PDE6B: variants seen among roughly 807,000 people sequenced by gnomAD.
PDE6B encodes rod cGMP-specific 3',5'-cyclic phosphodiesterase subunit beta.
Under a neutral mutation model 109.0 loss-of-function variants are expected in PDE6B, and 106 were observed. The ratio of observed to expected loss-of-function variants is 0.97; its 90% CI spans 0.83 to 1.14. The LOEUF is 1.14. PDE6B is among the 50% of genes most tolerant of loss of function. PDE6B has a pLI of 0.00. For missense variants in PDE6B, 1,193 were observed against 1,155.6 expected (o/e 1.03, Z -0.47); for synonymous variants, 490 against 471.3 (o/e 1.04, Z -0.51).
At chr4:655,538 G>A in intron 6 of PDE6B, 1 of 359,534 alleles carries the variant, frequency 2.8e-6, no homozygotes, top group African/African-American at 2.1e-5. Context: ...GAGAGGGAGG[G>A]GTTCCCAAGA....
intron 1 of PDE6B, among the ~76,000 whole-genome samples, chr4:632,283 T>G (rs1308022805): frequency 6.6e-6 from 1 of 151,406 alleles, no homozygotes; most frequent in Admixed American, 6.6e-5. Flanking sequence ...GGTCACGTTG[T>G]GTGGATTTGT....
chr4:656,088 G>C (rs1212824992), intron 7 of PDE6B, 82 bp downstream of exon 7: 2 of 1,062,806 alleles, frequency 1.9e-6, no homozygotes, highest in East Asian at 2.4e-5. Flanking sequence ...TCTCTGCCAC[G>C]TCCCGCCCTC....
At chr4:657,843 T>C (rs569815502) in intron 10 of PDE6B, among the ~76,000 whole-genome samples, 1 of 125,166 alleles carries the variant, frequency 8.0e-6, no homozygotes, top group African/African-American at 3.2e-5. Flanking sequence ...CGTCCAGGGG[T>C]CACCCAGGGG....
At position 665,677 on chromosome 4, in the gene PDE6B, C is replaced by T. The variant is rs1291902026; in HGVS notation, c.2268+348C>T. Among the ~76,000 whole-genome samples, 2 of 152,158 alleles carry T rather than the reference C, an allele frequency of 1.3e-5. No homozygotes were observed. Among genetic ancestry groups the T allele is most frequent in the Admixed American group, 6.5e-5 (1 of 15,288 alleles). ...CTGGGGAGGGTGCTGGGGCAGAGAA[C>T]GCATGGGGGGCGTCCCGGGCCCACA... On this transcript the variant is annotated intron_variant, in intron 19 of 21. Transcript: ENST00000496514. The surrounding 1 kb of genome is among the most constrained non-coding windows in gnomAD (Gnocchi z 4.0).
intron 20 of PDE6B, among the ~76,000 whole-genome samples, chr4:667,219 C>T (rs1385655995): frequency 2.0e-5 from 3 of 152,182 alleles, no homozygotes; most frequent in Non-Finnish European, 4.4e-5. Context: ...GGCCACACTC[C>T]CTGGTGATGG....
At chr4:653,764 C>G in intron 3 of PDE6B, 88 bp from the exon 4 acceptor site, 4 of 1,440,980 alleles carry the variant, frequency 2.8e-6, no homozygotes, top group South Asian at 2.3e-5. Context: ...GCACCTGTGT[C>G]AGGCTTGAGT....
chr4:656,142 C>A, intron 7 of PDE6B, 103 bp from the exon 8 acceptor site: 1 of 1,019,984 alleles, frequency 9.8e-7, no homozygotes, highest in Non-Finnish European at 1.6e-6. Context: ...AGCTGCCCTG[C>A]TTTACCTACT....
At position 663,235 on chromosome 4, in the gene PDE6B, C is replaced by A; in HGVS notation, c.1920+48C>A. On this transcript the variant is annotated intron_variant, in intron 15 of 21. Transcript: ENST00000496514. This position sits in a 1 kb window ranked among gnomAD's most constrained non-coding sequence, Gnocchi z 4.0. ...TCTGCTGTGGGCGCTGGGGACGCAG[C>A]GTCCGCAGGACGGCAGGGCCGTATC... 1 of 1,065,304 alleles carries A rather than the reference C, an allele frequency of 9.4e-7. No homozygotes were observed. The highest frequency in any genetic ancestry group is 1.2e-5 in the South Asian group (1 of 80,168). The allele number at this position is 1,065,304 out of a possible 1,614,324, so 66.0% of individuals were successfully genotyped here.
rs1176081407 is a variant in PDE6B, at chr4:654,896, C to G, written c.992+8C>G. 4 of 1,473,116 alleles carry G rather than the reference C, an allele frequency of 2.7e-6. No individual in the cohort carries two copies. The African/African-American group carries it at 5.5e-5, about 20-fold the overall frequency. 91.3% of individuals were successfully genotyped at this position (1,473,116 alleles called of 1,614,324 possible). A position where few individuals can be genotyped will look rare whatever the true frequency, so the allele number is the denominator to read the frequency against. On this transcript the variant is annotated splice_region_variant and intron_variant, in intron 6 of 21. Coordinates refer to ENST00000496514, the MANE Select transcript of PDE6B (RefSeq NM_000283.4). ...GGAGATCAAGGTCATTCCGTAAGTG[C>G]AGGATTTTACCAGAAGCGTCCCCGG...
At chr4:638,804 ATCT>A (rs1339652605) in intron 3 of PDE6B, among the ~76,000 whole-genome samples, 1 of 152,066 alleles carries the variant, frequency 6.6e-6, no homozygotes, top group Non-Finnish European at 1.5e-5. Flanking sequence ...CTTTCACAGG[ATCT>A]TCTTTCATTC....
rs1404224982 is a variant in PDE6B at position 664,094 on chromosome 4, C to T, written c.2022-20C>T. Reference sequence around the variant, plus strand: ...TCCACACTTGCTCCCACCTGCACCTCCCTTGTTCCCTGGGTTCAGGAAGAG... The same window carrying T: ...TCCACACTTGCTCCCACCTGCACCTTCCTTGTTCCCTGGGTTCAGGAAGAG... On this transcript the variant is annotated intron_variant, in intron 16 of 21. Coordinates refer to ENST00000496514, the MANE Select transcript of PDE6B (RefSeq NM_000283.4). 2.0e-6 allele frequency: 3 copies of T among 1,527,644 alleles called. No individual in the cohort carries two copies. The highest frequency in any genetic ancestry group is 1.7e-5 in the Admixed American group (1 of 59,938). The allele number at this position is 1,527,644 out of a possible 1,614,324, so 94.6% of individuals were successfully genotyped here. A position where few individuals can be genotyped will look rare whatever the true frequency, so the allele number is the denominator to read the frequency against.
rs2109273556 is a variant in PDE6B, at chr4:665,738, C to G, written c.2268+409C>G. 6.6e-6 allele frequency among the ~76,000 whole-genome samples: 1 copy of G among 152,308 alleles called. No homozygotes were observed. Among genetic ancestry groups the G allele is most frequent in the East Asian group, 1.9e-4 (1 of 5,162 alleles). ...ATGGACAATGCCAGGGTCCTCAGGT[C>G]AGCAGCGGGGTCTGGATACCTCCTG... On this transcript the variant is annotated intron_variant, in intron 19 of 21. Transcript: ENST00000496514. This position sits in a 1 kb window ranked among gnomAD's most constrained non-coding sequence, Gnocchi z 4.0.
At chr4:657,282 G>A in intron 9 of PDE6B, 69 bp from the exon 10 acceptor site, 1 of 1,584,238 alleles carries the variant, frequency 6.3e-7, no homozygotes, top group Admixed American at 1.7e-5. Flanking sequence ...CACGGGGCCT[G>A]GCACACAGGC....
intron 6 of PDE6B, 66 bp downstream of exon 6, chr4:654,954 C>A: frequency 1.0e-6 from 1 of 952,446 alleles, no homozygotes; most frequent in Non-Finnish European, 1.7e-6. Context: ...CCGGCTCAGC[C>A]CCCAGGGCCG....
Position 625,735 on chromosome 4 carries a change from G to A in PDE6B, c.109G>A (p.Glu37Lys), listed in dbSNP as rs376908835. Residue 37 changes from glutamate (E) to lysine (K), a missense_variant, in exon 1 of 22, where the codon GAG (glutamate) becomes AAG (lysine). By Grantham distance (56) the Glu-to-Lys change is moderately conservative. Transcript: ENST00000496514. This position sits in a 1 kb window ranked among gnomAD's most constrained non-coding sequence, Gnocchi z 5.0. ...CCCTGAGAATGTGGCCGCGGCCTGC[G>A]AGGACGGGTGCCCGCCGGACTGCGA... ...LSPENVAAAC[E>K]DGCPPDCDSL... 24 of 1,613,336 alleles carry A rather than the reference G, an allele frequency of 1.5e-5. 1 individual carries two copies. Among genetic ancestry groups the A allele is most frequent in the South Asian group, 1.2e-4 (11 of 91,080 alleles).
intron 3 of PDE6B, among the ~76,000 whole-genome samples, chr4:637,697 G>A (rs1172691055): frequency 1.3e-5 from 2 of 152,212 alleles, no homozygotes; most frequent in East Asian, 1.9e-4. Context: ...CCTCTCGTCC[G>A]GCACAGCGAG....
chr4:653,372 C>G (rs548481196), intron 3 of PDE6B: 1 of 1,093,768 alleles, frequency 9.1e-7, no homozygotes. Context: ...GCCTGTGCAG[C>G]GGGATGTCCT....
At chr4:661,108 T>C in intron 12 of PDE6B, 1 of 143,182 alleles carries the variant, frequency 7.0e-6, no homozygotes, top group African/African-American at 2.7e-5. Flanking sequence ...GAGAAGTGGG[T>C]GGATGAGTGA....
At chr4:630,005 G>T (rs1734304270) in intron 1 of PDE6B, among the ~76,000 whole-genome samples, 1 of 152,128 alleles carries the variant, frequency 6.6e-6, no homozygotes, top group Admixed American at 6.6e-5. Context: ...CTCTGGGGAA[G>T]TAGGGAAGCC....
Sources: gnomAD v4.1 joint callset for allele counts (sites outside exome capture counted in the v4.1 genomes callset) on GRCh38, gnomAD v4.1.1 for gene constraint, Gnocchi (gnomAD v3.1) non-coding constraint, MANE v1.5 for transcripts, NCBI Gene and HGNC (gene_info 2026-07-23, HGNC 2026-07-21) for gene names.